The following RNGTT variants were observed in gnomAD, a reference collection of about 807,000 sequenced individuals.
RNGTT encodes mRNA-capping enzyme.
A neutral mutation model predicts 79.3 loss-of-function variants in RNGTT; 33 were observed. That is an observed-to-expected ratio of 0.42 (90% CI 0.32 to 0.56). The LOEUF is 0.56. RNGTT is among the 20% of genes least tolerant of loss of function. The pLI is 0.17. For synonymous variants in RNGTT, 222 were observed against 235.9 expected (o/e 0.94, Z 0.54); for missense variants, 497 against 739.1 (o/e 0.67, Z 3.80).
At chr6:88,799,200 A>G (rs1779701044) in intron 12 of RNGTT, among the ~76,000 whole-genome samples, 1 of 152,210 alleles carries the variant, frequency 6.6e-6, no homozygotes, top group South Asian at 2.1e-4. Flanking sequence ...GTGATTTAAC[A>G]TTGCAAACAC....
intron 13 of RNGTT, among the ~76,000 whole-genome samples, chr6:88,733,211 A>C (rs965341031): frequency 1.3e-5 from 2 of 151,962 alleles, no homozygotes; most frequent in Admixed American, 1.3e-4. Context: ...AAATACAAAA[A>C]TCAGCCAGGT....
At chr6:88,844,319 C>A in intron 11 of RNGTT, 38 bp downstream of exon 11, 1 of 1,555,282 alleles carries the variant, frequency 6.4e-7, no homozygotes, top group South Asian at 1.1e-5. Context: ...AATTATGAGA[C>A]ATTATTAGCA....
intron 11 of RNGTT, among the ~76,000 whole-genome samples, chr6:88,832,797 G>A (rs1203940588): frequency 1.3e-5 from 2 of 152,128 alleles, no homozygotes; most frequent in East Asian, 1.9e-4. Flanking sequence ...AAGAAGACAT[G>A]TATGCAGCCA....
chr6:88,699,746 T>G (rs542490934), intron 13 of RNGTT, among the ~76,000 whole-genome samples: 29 of 152,328 alleles, frequency 1.9e-4, no homozygotes, highest in African/African-American at 7.0e-4. Flanking sequence ...TTAAAAGGAA[T>G]GACATTCTGA....
intron 13 of RNGTT, among the ~76,000 whole-genome samples, chr6:88,745,614 G>A (rs1582409898): frequency 6.6e-6 from 1 of 152,214 alleles, no homozygotes; most frequent in South Asian, 2.1e-4. Context: ...TTACATGTGT[G>A]ACTCACATAT....
At chr6:88,856,775 T>C (rs1260266537) in intron 8 of RNGTT, among the ~76,000 whole-genome samples, 1 of 152,200 alleles carries the variant, frequency 6.6e-6, no homozygotes, top group East Asian at 1.9e-4. Flanking sequence ...ATGTAAGGAA[T>C]GTGGAAATAT....
In RNGTT at chr6:88,789,998, C is replaced by T. The variant is rs552379844; in HGVS notation, c.1338+11566G>A. On this transcript the variant is annotated intron_variant, in intron 12 of 15. Coordinates refer to ENST00000369485, the MANE Select transcript of RNGTT (RefSeq NM_003800.5). Reference sequence around the variant, plus strand: ...GGTAGACTAAACATGTATTTATGCCCGCTTTGATATAAAACCTCACTAAAG... The same window carrying T: ...GGTAGACTAAACATGTATTTATGCCTGCTTTGATATAAAACCTCACTAAAG... Among the ~76,000 whole-genome samples, 5 of 152,086 alleles carry T rather than the reference C, an allele frequency of 3.3e-5. No individual in the cohort carries two copies. The South Asian group carries it at 1.0e-3, about 32-fold the overall frequency.
intron 14 of RNGTT, among the ~76,000 whole-genome samples, chr6:88,671,826 A>C (rs1038630758): frequency 8.5e-5 from 13 of 152,222 alleles, no homozygotes; most frequent in African/African-American, 3.1e-4. Context: ...CTGATCTTTG[A>C]CAAAACAAAT....
chr6:88,851,173 A>ATGTAC (rs1781657912), intron 9 of RNGTT, among the ~76,000 whole-genome samples: 1 of 151,314 alleles, frequency 6.6e-6, no homozygotes, highest in African/African-American at 2.4e-5. Context: ...ATTGTATCTC[A>ATGTAC]ATTTTTTTTA....
At chr6:88,617,316 T>C (rs548047129) in intron 14 of RNGTT, among the ~76,000 whole-genome samples, 1 of 152,222 alleles carries the variant, frequency 6.6e-6, no homozygotes, top group Non-Finnish European at 1.5e-5. Context: ...TTTAATAGTT[T>C]AAGGTCTTAT....
At chr6:88,885,206 C>T (rs925808557) in intron 8 of RNGTT, among the ~76,000 whole-genome samples, 1 of 152,086 alleles carries the variant, frequency 6.6e-6, no homozygotes, top group African/African-American at 2.4e-5. Flanking sequence ...ATGAGCCCAA[C>T]TTGTGCACAA....
intron 6 of RNGTT, among the ~76,000 whole-genome samples, chr6:88,894,485 T>C (rs577741063): frequency 2.8e-4 from 42 of 152,356 alleles, no homozygotes; most frequent in African/African-American, 9.4e-4. Flanking sequence ...TTTTAATAGC[T>C]GTACCTAACA....
At chr6:88,961,055 C>T (rs533704429) in intron 1 of RNGTT, among the ~76,000 whole-genome samples, 19 of 152,284 alleles carry the variant, frequency 1.2e-4, no homozygotes, top group South Asian at 1.2e-3. Flanking sequence ...CAAACCCACC[C>T]TTAATCTGGG....
chr6:88,782,784 T>C (rs747798337), intron 12 of RNGTT, among the ~76,000 whole-genome samples: 3 of 152,140 alleles, frequency 2.0e-5, no homozygotes, highest in Admixed American at 6.6e-5. Context: ...AACAGACCTA[T>C]TGAAAAGCTG....
At chr6:88,779,710 G>A (rs1778998928) in intron 12 of RNGTT, among the ~76,000 whole-genome samples, 1 of 152,016 alleles carries the variant, frequency 6.6e-6, no homozygotes, top group South Asian at 2.1e-4. Flanking sequence ...TTAGAAAATG[G>A]GGCCAGGTGC....
chr6:88,611,615 T>C lies in RNGTT; in HGVS notation c.*1104A>G, dbSNP rs891855542. 1 of 152,384 alleles carries C rather than the reference T, an allele frequency of 6.6e-6. No individual in the cohort carries two copies. The highest frequency in any genetic ancestry group is 2.4e-5 in the African/African-American group (1 of 41,448). 9.4% of individuals were successfully genotyped at this position (152,384 alleles called of 1,614,324 possible). ...TAACATCCGCAGAATAGAATGTAGA[T>C]AGAATTCTCGCTTTGAAAATAAATG... is the stretch of plus-strand genomic sequence containing the variant. On this transcript the variant is annotated 3_prime_UTR_variant, in exon 16 of 16. Transcript: ENST00000369485.
At chr6:88,669,244 G>A (rs1462636155) in intron 14 of RNGTT, among the ~76,000 whole-genome samples, 2 of 152,172 alleles carry the variant, frequency 1.3e-5, no homozygotes, top group African/African-American at 4.8e-5. Flanking sequence ...AGAACTGCCA[G>A]GGAAGACAAA....
intron 1 of RNGTT, among the ~76,000 whole-genome samples, chr6:88,949,998 T>C (rs192177680): frequency 6.6e-6 from 1 of 152,334 alleles, no homozygotes; most frequent in Non-Finnish European, 1.5e-5. Flanking sequence ...CTGACTTTCT[T>C]GTTAGGAGCT....
chr6:88,899,158 T>C (rs1582105855), intron 6 of RNGTT, among the ~76,000 whole-genome samples: 1 of 152,220 alleles, frequency 6.6e-6, no homozygotes, highest in East Asian at 1.9e-4. Flanking sequence ...CTTTTTTTTT[T>C]TCCTAATTCG....
Sources: allele counts gnomAD v4.1 joint callset (sites outside exome capture counted in the v4.1 genomes callset), GRCh38; gene constraint gnomAD v4.1.1; transcripts MANE v1.5; gene names NCBI Gene and HGNC (gene_info 2026-07-23, HGNC 2026-07-21).